The following NEB variants were observed in gnomAD, a reference collection of about 807,000 sequenced individuals.
The protein encoded by NEB is nemaline myopathy type 2.
In NEB, 512 loss-of-function variants were observed where a neutral mutation model predicts 952.2. The observed-to-expected ratio is 0.54, with a 90% confidence interval of 0.50 to 0.58. The LOEUF is 0.58. Among genes scored for constraint, NEB ranks in the 20% least tolerant of loss-of-function variants. The pLI is 0.00. For synonymous variants in NEB, 2,900 were observed against 3,149.8 expected, an observed-to-expected ratio of 0.92 and a Z score of 2.66; for missense variants, 8,428 against 9,231.1, an observed-to-expected ratio of 0.91 and a Z score of 3.56.
chr2:151,660,068 C>T (rs2099129796), intron 46 of NEB, among the ~76,000 whole-genome samples: 1 of 152,296 alleles, frequency 6.6e-6, no homozygotes, highest in South Asian at 2.1e-4. Context: ...CAGTCACCAG[C>T]TGTCTCACTC....
intron 71 of NEB, among the ~76,000 whole-genome samples, chr2:151,623,820 T>C (rs2098464621): frequency 3.3e-5 from 5 of 152,202 alleles, no homozygotes; most frequent in African/African-American, 1.2e-4. Context: ...GTTCATATTT[T>C]AAAAATGGTA....
chr2:151,562,305 T>C (rs2096118272), intron 120 of NEB, 91 bp from the exon 121 acceptor site: 1 of 1,146,014 alleles, frequency 8.7e-7, no homozygotes, highest in East Asian at 2.3e-5. Context: ...TGGCTGTGCT[T>C]ATTGCTTAGA....
At chr2:151,707,097 T>TAAAG in intron 12 of NEB, 100 bp from the exon 13 acceptor site, 1 of 732,292 alleles carries the variant, frequency 1.4e-6, no homozygotes, top group Non-Finnish European at 2.2e-6. Context: ...ATTTTCTCTT[T>TAAAG]AGAAAAATGG....
At chr2:151,624,551 T>C (rs565902147) in intron 71 of NEB, among the ~76,000 whole-genome samples, 1 of 152,288 alleles carries the variant, frequency 6.6e-6, no homozygotes, top group Non-Finnish European at 1.5e-5. Flanking sequence ...GCTTGTCCTT[T>C]GGTCTGTTTT....
intron 107 of NEB, among the ~76,000 whole-genome samples, chr2:151,571,130 C>T (rs539456425): frequency 2.6e-5 from 4 of 152,112 alleles, no homozygotes; most frequent in Non-Finnish European, 5.9e-5. Flanking sequence ...CTCAGCCTCC[C>T]GAGTAGCTGG....
chr2:151,547,576 G>A lies in NEB; in HGVS notation c.20263-43C>T, dbSNP rs138059383. 6.8e-5 allele frequency: 108 copies of A among 1,599,274 alleles called. No homozygotes were observed. The African/African-American group carries it at 8.7e-4, about 13-fold the overall frequency. ...CCCCAAAACATATGTATTAGAGACC[G>A]AATGATTAACATTCATCCCTAGTCT... On this transcript the variant is annotated intron_variant, in intron 132 of 181. Coordinates refer to ENST00000397345, the MANE Select transcript of NEB (RefSeq NM_001164508.2).
intron 178 of NEB, 157 bp from the exon 179 acceptor site, chr2:151,491,932 A>G: frequency 1.0e-6 from 1 of 969,596 alleles, no homozygotes; most frequent in Non-Finnish European, 1.5e-6. Context: ...AACAAAGATA[A>G]GGTAGAAATC....
intron 74 of NEB, 69 bp from the exon 75 acceptor site, chr2:151,617,537 T>G: frequency 1.0e-6 from 1 of 975,768 alleles, no homozygotes. Context: ...ATATTATTGT[T>G]TTGATTATGT....
In NEB at chr2:151,567,228, C is replaced by T. The variant is rs764679933; in HGVS notation, c.18096G>A (p.Met6032Ile). Residue 6032 changes from methionine (M) to isoleucine (I), a missense_variant, in exon 114 of 182, where the codon ATG (methionine) becomes ATA (isoleucine). Coordinates refer to ENST00000397345, the MANE Select transcript of NEB (RefSeq NM_001164508.2). Reference sequence around the variant, plus strand: ...TAACATCGTTCTGGTCAGGATGACACATCCATTGGTGCAAGTAATTACGAT... The same window carrying T: ...TAACATCGTTCTGGTCAGGATGACATATCCATTGGTGCAAGTAATTACGAT... ...IDYRNYLHQWMCHPDQNDVIQ... is the reference protein window; with the variant it reads ...IDYRNYLHQWICHPDQNDVIQ... The T allele has an allele frequency of 1.2e-6, 2 of 1,613,762 alleles. No homozygotes were observed. Among genetic ancestry groups the T allele is most frequent in the Non-Finnish European group, 8.5e-7 (1 of 1,179,734 alleles).
chr2:151,622,191 G>A (rs963362251), intron 71 of NEB, among the ~76,000 whole-genome samples: 2 of 151,956 alleles, frequency 1.3e-5, no homozygotes, highest in African/African-American at 2.4e-5. Flanking sequence ...TAGTAGAGAT[G>A]GGTGTTGCTG....
At chr2:151,490,159 CT>C (rs1323661739) in intron 180 of NEB, 82 bp from the exon 181 acceptor site, 10 of 1,230,588 alleles carry the variant, frequency 8.1e-6, no homozygotes, top group African/African-American at 1.5e-5. Flanking sequence ...TGAGTGATGT[CT>C]TTTTCCCCCA....
In NEB at chr2:151,718,145, G is replaced by A. The variant is rs550743428; in HGVS notation, c.718-625C>T. Among the ~76,000 whole-genome samples the A allele has an allele frequency of 3.3e-5, 5 of 152,224 alleles. No individual in the cohort carries two copies. The South Asian group carries it at 6.2e-4, about 19-fold the overall frequency. On this transcript the variant is annotated intron_variant, in intron 9 of 181. Transcript: ENST00000397345. ...TGGGATTACAGGCGTGAGCCACCGC[G>A]CCTGGCCAACTTCCTCTGTTCTTAT...
chr2:151,699,454 G>C (rs62174731), intron 13 of NEB, among the ~76,000 whole-genome samples: 1,003 of 15,698 alleles, frequency 0.064, no homozygotes, highest in Non-Finnish European at 0.091. Flanking sequence ...TTCCACAATG[G>C]TTGAACTAGT....
intron 131 of NEB, 97 bp downstream of exon 131, chr2:151,548,211 G>T: frequency 1.9e-6 from 2 of 1,030,548 alleles, no homozygotes; most frequent in Non-Finnish European, 1.5e-6. Flanking sequence ...TGGTATGTAA[G>T]TTTACAACTG....
In NEB at chr2:151,709,715, T is replaced by G; in HGVS notation, c.976A>C (p.Met326Leu). The change falls in exon 12 of 182, where the codon ATG (methionine) becomes CTG (leucine). Residue 326 changes from methionine to leucine, a missense_variant. Physicochemically the swap from Met to Leu is conservative, Grantham distance 15 (BLOSUM62 2). This residue lies in a region of NEB where 2,851 missense variants were observed against 2,791.5 expected (regional missense o/e 1.02). Coordinates refer to ENST00000397345, the MANE Select transcript of NEB (RefSeq NM_001164508.2). Reference sequence around the variant, plus strand: ...TTATACTCTGGTGTTTCGGTCTGCATGAAGTAGATCTGGTCTTTCATGTTT... The same window carrying G: ...TTATACTCTGGTGTTTCGGTCTGCAGGAAGTAGATCTGGTCTTTCATGTTT... Reference protein sequence around the residue: ...FENMKDQIYFMQTETPEYKMN... With the variant: ...FENMKDQIYFLQTETPEYKMN... The G allele has an allele frequency of 6.2e-7, 1 of 1,606,658 alleles. No homozygotes were observed. Among genetic ancestry groups the G allele is most frequent in the Non-Finnish European group, 8.5e-7 (1 of 1,176,006 alleles).
In NEB at chr2:151,631,288, G is replaced by A. The variant is rs377606986; in HGVS notation, c.9473C>T (p.Ser3158Phe). The A allele has an allele frequency of 6.2e-7, 1 of 1,613,682 alleles. No individual in the cohort carries two copies. The highest frequency in any genetic ancestry group is 8.5e-7 in the Non-Finnish European group (1 of 1,179,846). The change falls in exon 66 of 182, where the codon TCT becomes TTT. Residue 3158 changes from serine (S) to phenylalanine (F), a missense_variant. By Grantham distance (155) the Ser-to-Phe change is radical (BLOSUM62 -2). This residue lies in a region of NEB where 1,772 missense variants were observed against 1,960.3 expected (regional missense o/e 0.90). Coordinates refer to ENST00000397345, the MANE Select transcript of NEB (RefSeq NM_001164508.2). Reference sequence around the variant, plus strand: ...TCTCTTGCACTTGACCACATCCATAGACCCAATGGGGACCCAGCCAATGCC... The same window carrying A: ...TCTCTTGCACTTGACCACATCCATAAACCCAATGGGGACCCAGCCAATGCC... ...LRGIGWVPIG[S>F]MDVVKCKRAT...
At position 151,643,194 on chromosome 2, in the gene NEB, T is replaced by C. The variant is rs2098907765; in HGVS notation, c.8116A>G (p.Ile2706Val). The change falls in exon 58 of 182, where the codon ATA becomes GTA. Residue 2706 changes from isoleucine (I) to valine (V), a missense_variant. Around this residue, in one of 11 missense-constraint regions of NEB, gnomAD observed 1,772 missense variants for 1,960.3 expected, o/e 0.90. Transcript: ENST00000397345. ...TTGTTTTTTGCCAAAACCATTGGTATGGAATCCATAAGGCTGGAAAACTTA... is the reference window on the plus strand; with the variant it reads ...TTGTTTTTTGCCAAAACCATTGGTACGGAATCCATAAGGCTGGAAAACTTA... ...QFKFSSLMDS[I>V]PMVLAKNNAI... 6.2e-7 allele frequency: 1 copy of C among 1,613,936 alleles called. No individual in the cohort carries two copies. The highest frequency in any genetic ancestry group is 8.5e-7 in the Non-Finnish European group (1 of 1,179,838).
Position 151,627,804 on chromosome 2 carries a change from G to A in NEB, c.9862C>T (p.Leu3288Phe). ...YKYKDGYRKQ[L>F]GHHIGARNIE... The stretch of plus-strand genomic sequence containing the variant: ...TTCCGGGCTCCAATGTGGTGGCCGA[G>A]CTGCTTGCGGTAACCATCTTTGTAT... The change falls in exon 69 of 182, where the codon CTC becomes TTC. Residue 3288 changes from leucine to phenylalanine, a missense_variant. Around this residue, in one of 11 missense-constraint regions of NEB, gnomAD observed 1,772 missense variants for 1,960.3 expected, o/e 0.90. Transcript: ENST00000397345. The A allele has an allele frequency of 6.2e-7, 1 of 1,613,908 alleles. No homozygotes were observed. Among genetic ancestry groups the A allele is most frequent in the Non-Finnish European group, 8.5e-7 (1 of 1,179,840 alleles).
chr2:151,567,064 A>G (rs2096436239), intron 114 of NEB, 104 bp downstream of exon 114: 1 of 1,025,108 alleles, frequency 9.8e-7, no homozygotes, highest in Admixed American at 2.4e-5. Flanking sequence ...CAAATTAAAT[A>G]TCGATGGCCT....
Sources: allele counts gnomAD v4.1 joint callset (sites outside exome capture counted in the v4.1 genomes callset), GRCh38; gene constraint gnomAD v4.1.1; regional missense constraint gnomAD v4.1.1; transcripts MANE v1.5; gene names NCBI Gene and HGNC (gene_info 2026-07-23, HGNC 2026-07-21).